Variants in APBB2 observed in about 807,000 individuals in gnomAD.
APBB2 encodes the protein Fe65-like 1.
APBB2 carries 38 observed loss-of-function variants against 82.5 expected under a neutral mutation model. That is an observed-to-expected ratio of 0.46 (90% confidence interval 0.36 to 0.60). The LOEUF (loss-of-function observed/expected upper bound fraction) is 0.60. Ranked by LOEUF, APBB2 falls within the 20% of genes least tolerant of loss-of-function variation. APBB2 has a pLI of 0.00. For synonymous variants in APBB2, 341 were observed against 368.2 expected (o/e 0.93, Z 0.85); for missense variants, 772 against 972.3 (o/e 0.79, Z 2.74).
At chr4:41,051,720 C>G (rs1726016952) in intron 4 of APBB2, among the ~76,000 whole-genome samples, 1 of 152,170 alleles carries the variant, frequency 6.6e-6, no homozygotes, top group African/African-American at 2.4e-5. Context: ...CATGCCAATC[C>G]AACTGTACTC....
intron 6 of APBB2, among the ~76,000 whole-genome samples, chr4:40,966,315 G>A (rs1049887897): frequency 2.0e-5 from 3 of 152,142 alleles, no homozygotes; most frequent in Admixed American, 6.5e-5. Flanking sequence ...TTGCATTTTC[G>A]TCTTTGTGAT....
At position 40,811,168 on chromosome 4, in the gene APBB2, A is replaced by G. The variant is rs1744320509; in HGVS notation, c.*4924T>C. On this transcript the variant is annotated 3_prime_UTR_variant, in exon 18 of 18. Coordinates refer to ENST00000508593, the MANE Select transcript of APBB2 (RefSeq NM_004307.2). ...GAAGTATATGAAGATTCTGAATTAAACCATTCATTAATTACACTGCAGTTT... is the reference window on the plus strand; with the variant it reads ...GAAGTATATGAAGATTCTGAATTAAGCCATTCATTAATTACACTGCAGTTT... 1 of 152,240 alleles carries G rather than the reference A, an allele frequency of 6.6e-6. No individual in the cohort carries two copies. The highest frequency in any genetic ancestry group is 6.5e-5 in the Admixed American group (1 of 15,282). 9.4% of individuals were successfully genotyped at this position (152,240 alleles called of 1,614,324 possible).
chr4:40,953,442 G>C (rs1232764194), intron 6 of APBB2, among the ~76,000 whole-genome samples: 1 of 151,988 alleles, frequency 6.6e-6, no homozygotes, highest in Non-Finnish European at 1.5e-5. Context: ...CAGCTGGCTT[G>C]ACCATGGTCA....
At chr4:40,976,132 T>G (rs1318997461) in intron 6 of APBB2, among the ~76,000 whole-genome samples, 1 of 152,222 alleles carries the variant, frequency 6.6e-6, no homozygotes, top group Non-Finnish European at 1.5e-5. Context: ...AGGCTATTTT[T>G]GTTTCACATA....
chr4:40,960,612 T>C (rs1419563911), intron 6 of APBB2, among the ~76,000 whole-genome samples: 2 of 151,958 alleles, frequency 1.3e-5, no homozygotes, highest in African/African-American at 4.8e-5. Context: ...CATGCCCGGC[T>C]AATTTTTTAT....
chr4:41,027,364 C>CATAT (rs36224955), intron 5 of APBB2, among the ~76,000 whole-genome samples: 3,584 of 126,172 alleles, frequency 0.028, 91 homozygotes, highest in Non-Finnish European at 0.035. Flanking sequence ...CATATTGTTA[C>CATAT]ATATATATAT....
intron 1 of APBB2, among the ~76,000 whole-genome samples, chr4:41,182,635 T>C (rs1771741595): frequency 6.6e-6 from 1 of 152,186 alleles, no homozygotes; most frequent in African/African-American, 2.4e-5. Context: ...GGGTAATTTA[T>C]AAAGGAAAGA....
At chr4:40,962,789 A>G (rs1056149161) in intron 6 of APBB2, among the ~76,000 whole-genome samples, 1 of 152,218 alleles carries the variant, frequency 6.6e-6, no homozygotes, top group African/African-American at 2.4e-5. Context: ...ATCACCATAC[A>G]GCCTGCCTGG....
chr4:41,148,848 T>C lies in APBB2; in HGVS notation c.-416-5706A>G, dbSNP rs567323371. On this transcript the variant is annotated intron_variant, in intron 1 of 17. Coordinates refer to ENST00000508593, the MANE Select transcript of APBB2 (RefSeq NM_004307.2). The stretch of plus-strand genomic sequence containing the variant: ...TGGAGACTGGCACTAAAAAAAAATT[T>C]CTGCTTTAATGGGGCTGACATTTTG... Among the ~76,000 whole-genome samples the C allele has an allele frequency of 9.8e-5, 15 of 152,324 alleles. No homozygotes were observed. The East Asian group carries it at 2.3e-3, about 23-fold the overall frequency.
chr4:40,848,874 T>C (rs1758457023), intron 12 of APBB2: 2 of 985,302 alleles, frequency 2.0e-6, no homozygotes, highest in African/African-American at 1.7e-5. Flanking sequence ...AAAAGAACCC[T>C]GAGGATCCCC....
intron 15 of APBB2, among the ~76,000 whole-genome samples, chr4:40,825,399 C>G (rs1214929892): frequency 6.6e-6 from 1 of 152,220 alleles, no homozygotes; most frequent in African/African-American, 2.4e-5. Flanking sequence ...ATCTCCCAGT[C>G]TCTTTTTGGC....
rs71988912 is a variant in APBB2 at position 40,900,756 on chromosome 4, C to CTT, written c.1255-7347_1255-7346dup. Among the ~76,000 whole-genome samples, 48 of 130,104 alleles carry CTT rather than the reference C, an allele frequency of 3.7e-4. No homozygotes were observed. The South Asian group carries it at 0.011, about 30-fold the overall frequency. 85.4% of individuals were successfully genotyped at this position (130,104 alleles called of 152,430 possible). ...ACAGGTGTGAGTCACTGAGCCCGGG[C>CTT]TTTTTTTTTTTTTTTTTTAATTCAG... On this transcript the variant is annotated intron_variant, in intron 10 of 17. Coordinates refer to ENST00000508593, the MANE Select transcript of APBB2 (RefSeq NM_004307.2).
At chr4:40,896,309 C>T (rs1478779213) in intron 10 of APBB2, among the ~76,000 whole-genome samples, 1 of 152,186 alleles carries the variant, frequency 6.6e-6, no homozygotes, top group Non-Finnish European at 1.5e-5. Flanking sequence ...AGTGATTGGC[C>T]TGCCTTGGCC....
chr4:40,837,085 G>T (rs1754196177), intron 12 of APBB2, among the ~76,000 whole-genome samples: 1 of 152,192 alleles, frequency 6.6e-6, no homozygotes, highest in South Asian at 2.1e-4. Context: ...AGAAGAAATT[G>T]CTTTGTAGTA....
At chr4:40,874,581 C>T (rs1187385760) in intron 12 of APBB2, among the ~76,000 whole-genome samples, 1 of 152,166 alleles carries the variant, frequency 6.6e-6, no homozygotes, top group African/African-American at 2.4e-5. Context: ...TCCCCTGATA[C>T]AATGTTATCA....
chr4:41,005,487 A>G (rs1413752174), intron 6 of APBB2, among the ~76,000 whole-genome samples: 2 of 152,170 alleles, frequency 1.3e-5, no homozygotes, highest in Non-Finnish European at 2.9e-5. Flanking sequence ...AAAATTTCTG[A>G]AAGTGTCCAG....
intron 6 of APBB2, among the ~76,000 whole-genome samples, chr4:40,996,410 C>G (rs1413534143): frequency 6.6e-6 from 1 of 152,168 alleles, no homozygotes; most frequent in Non-Finnish European, 1.5e-5. Context: ...CCCTCTGAAT[C>G]TTGGTTAAAA....
chr4:40,863,445 G>A (rs770647958), intron 12 of APBB2, among the ~76,000 whole-genome samples: 1 of 152,120 alleles, frequency 6.6e-6, no homozygotes, highest in Non-Finnish European at 1.5e-5. Flanking sequence ...GTCTGGGTAG[G>A]GCCCTGTCGT....
chr4:41,004,546 A>T (rs1247090535), intron 6 of APBB2, among the ~76,000 whole-genome samples: 1 of 152,080 alleles, frequency 6.6e-6, no homozygotes, highest in Non-Finnish European at 1.5e-5. Flanking sequence ...ACTTTTAAAA[A>T]TGACTGGCAT....
Sources: gnomAD v4.1 joint callset for allele counts (sites outside exome capture counted in the v4.1 genomes callset) on GRCh38, gnomAD v4.1.1 for gene constraint, MANE v1.5 for transcripts, NCBI Gene and HGNC (gene_info 2026-07-23, HGNC 2026-07-21) for gene names.